Variants in PLPBP observed in about 807,000 individuals in gnomAD.
The protein encoded by PLPBP is pyridoxal phosphate binding protein.
PLPBP carries 21 observed loss-of-function variants against 31.2 expected under a neutral mutation model. The observed-to-expected ratio is 0.67, with a 90% CI of 0.48 to 0.97. The LOEUF is 0.97. PLPBP is among the 50% of genes least tolerant of loss of function. The pLI is 0.00. For missense variants in PLPBP, 308 were observed against 354.4 expected (o/e 0.87, Z 1.05); for synonymous variants, 124 against 135.6 (o/e 0.91, Z 0.59).
rs975828015 is a variant in PLPBP, at chr8:37,764,843, G to A, written c.100-683G>A. 2.0e-5 allele frequency among the ~76,000 whole-genome samples: 3 copies of A among 152,260 alleles called. No individual in the cohort carries two copies. In the South Asian group the frequency reaches 6.2e-4, roughly 32 times the overall value. The stretch of plus-strand genomic sequence containing the variant: ...AGTGATTCTTAAGCCTCCAACATTA[G>A]TATGTCTTAGAGTCATCTGGAGAGA... On this transcript the variant is annotated intron_variant, in intron 1 of 7. Coordinates refer to ENST00000328195, the MANE Select transcript of PLPBP (RefSeq NM_007198.4).
intron 6 of PLPBP, 51 bp downstream of exon 6, chr8:37,775,532 G>A: frequency 6.2e-7 from 1 of 1,609,790 alleles, no homozygotes; most frequent in Non-Finnish European, 8.5e-7. Flanking sequence ...CAGGGTGCTG[G>A]AGTGCTATTG....
At chr8:37,762,607 G>T (rs1360588856), upstream of PLPBP, 103 of 1,535,426 alleles carry the variant, frequency 6.7e-5, no homozygotes, top group Non-Finnish European at 8.4e-5. Context: ...ACCGGAAGAT[G>T]GTGTGAGCCA....
rs550493291 is a variant in PLPBP, at chr8:37,779,358, A to T, written c.*1254A>T. 6.6e-6 allele frequency: 1 copy of T among 152,256 alleles called. No homozygotes were observed. The highest frequency in any genetic ancestry group is 2.1e-4 in the South Asian group (1 of 4,822). 9.4% of individuals were successfully genotyped at this position (152,256 alleles called of 1,614,324 possible). The stretch of plus-strand genomic sequence containing the variant: ...GGTTTCAACAAAGCCTGGCTTTGAC[A>T]TTCCTTGTCCTGAGGAGCACTTTCC... On this transcript the variant is annotated 3_prime_UTR_variant, in exon 8 of 8. Transcript: ENST00000328195.
intron 5 of PLPBP, among the ~76,000 whole-genome samples, chr8:37,773,689 G>C (rs1234566855): frequency 1.3e-5 from 2 of 151,550 alleles, no homozygotes; most frequent in African/African-American, 4.8e-5. Flanking sequence ...GGCTGGTCTT[G>C]AACTCTTGAC....
chr8:37,775,497 G>T lies in PLPBP; in HGVS notation c.597+16G>T, dbSNP rs2129810139. 2 of 1,613,254 alleles carry T rather than the reference G, an allele frequency of 1.2e-6. No individual in the cohort carries two copies. The highest frequency in any genetic ancestry group is 1.8e-4 in the Middle Eastern group (1 of 5,406). On this transcript the variant is annotated intron_variant, in intron 6 of 7. Transcript: ENST00000328195. The stretch of plus-strand genomic sequence containing the variant: ...AGACTTCCAGGTACTGGGGGGTCGG[G>T]GAGATTGCTCGTGTGCTAAAGAAGC...
chr8:37,762,978 C>G (rs894967577), intron 1 of PLPBP, among the ~76,000 whole-genome samples: 3 of 152,128 alleles, frequency 2.0e-5, no homozygotes, highest in Admixed American at 2.0e-4. Flanking sequence ...CAGAGGGTAC[C>G]GCTACCTCGG....
At chr8:37,774,356 C>T (rs1803849079) in intron 5 of PLPBP, among the ~76,000 whole-genome samples, 1 of 152,168 alleles carries the variant, frequency 6.6e-6, no homozygotes, top group African/African-American at 2.4e-5. Context: ...CACTACTTTC[C>T]AGTATTGTAA....
chr8:37,765,036 G>A (rs905267704), intron 1 of PLPBP, among the ~76,000 whole-genome samples: 3 of 152,160 alleles, frequency 2.0e-5, no homozygotes, highest in Admixed American at 6.5e-5. Context: ...CAGGCATGGT[G>A]ATGCATGCCT....
rs1585943727 is a variant in PLPBP, at chr8:37,778,389, C to T, written c.*285C>T. The stretch of plus-strand genomic sequence containing the variant: ...TTCTGCCCAGGAGCATGAACTGATC[C>T]ATGAATGCCTTTTCCAGGTTAAAAT... On this transcript the variant is annotated 3_prime_UTR_variant, in exon 8 of 8. Transcript: ENST00000328195. 5.4e-6 allele frequency: 1 copy of T among 186,596 alleles called. No individual in the cohort carries two copies. The highest frequency in any genetic ancestry group is 1.1e-5 in the Non-Finnish European group (1 of 90,216). 11.6% of individuals were successfully genotyped at this position (186,596 alleles called of 1,614,324 possible). A position where few individuals can be genotyped will look rare whatever the true frequency, so the allele number is the denominator to read the frequency against.
chr8:37,762,575 C>G (rs948736335), upstream of PLPBP: 3 of 1,506,710 alleles, frequency 2.0e-6, no homozygotes, highest in Admixed American at 6.2e-5. Flanking sequence ...ATGATTGGTT[C>G]ACACGGCGCA....
intron 7 of PLPBP, among the ~76,000 whole-genome samples, chr8:37,777,191 ACTTGATAAAG>A (rs1803935222): frequency 1.3e-5 from 2 of 152,378 alleles, no homozygotes; most frequent in African/African-American, 4.8e-5. Flanking sequence ...ATAGCAAATA[ACTTGATAAAG>A]TTTCAAAAAT....
intron 4 of PLPBP, among the ~76,000 whole-genome samples, chr8:37,769,436 C>G (rs1012889617): frequency 6.6e-6 from 1 of 151,646 alleles, no homozygotes; most frequent in Admixed American, 6.6e-5. Flanking sequence ...AAAAGGGAGG[C>G]ACAGAGTGGA....
intron 1 of PLPBP, among the ~76,000 whole-genome samples, chr8:37,763,956 C>T (rs1563322916): frequency 1.3e-5 from 2 of 152,020 alleles, no homozygotes; most frequent in African/African-American, 2.4e-5. Context: ...GGCAGCAGAA[C>T]GCATAGAACC....
chr8:37,767,496 T>G (rs1368005928), intron 4 of PLPBP, among the ~76,000 whole-genome samples: 1 of 152,242 alleles, frequency 6.6e-6, no homozygotes, highest in African/African-American at 2.4e-5. Context: ...TGATTCATCA[T>G]GTTCATACCT....
Position 37,779,509 on chromosome 8 carries a change from G to A in PLPBP, c.*1405G>A, listed in dbSNP as rs1804009381. ...CCATTCTCTAATAGTCATGACAAAT[G>A]GCTTCAGTATGGCTTGTTTTTTATT... On this transcript the variant is annotated 3_prime_UTR_variant, in exon 8 of 8. Transcript: ENST00000328195. 6.6e-6 allele frequency: 1 copy of A among 152,340 alleles called. No individual in the cohort carries two copies. Among genetic ancestry groups the A allele is most frequent in the African/African-American group, 2.4e-5 (1 of 41,438 alleles). The allele number at this position is 152,340 out of a possible 1,614,324, so 9.4% of individuals were successfully genotyped here.
chr8:37,770,975 C>T (rs551570088), intron 4 of PLPBP, among the ~76,000 whole-genome samples: 1 of 152,236 alleles, frequency 6.6e-6, no homozygotes, highest in South Asian at 2.1e-4. Context: ...TGTTTTAGTG[C>T]CATTTTCCCT....
At chr8:37,771,824 G>A (rs1803778838) in intron 4 of PLPBP, among the ~76,000 whole-genome samples, 1 of 152,110 alleles carries the variant, frequency 6.6e-6, no homozygotes, top group African/African-American at 2.4e-5. Flanking sequence ...GTGAGGTGTA[G>A]TGGTGGGTGC....
chr8:37,772,896 A>C lies in PLPBP; in HGVS notation c.454+7A>C. The C allele has an allele frequency of 6.2e-7, 1 of 1,614,114 alleles. No individual in the cohort carries two copies. The highest frequency in any genetic ancestry group is 2.2e-5 in the East Asian group (1 of 44,870). On this transcript the variant is annotated splice_region_variant and intron_variant, in intron 5 of 7. Transcript: ENST00000328195. ...AACACCAGCGGAGAAGAGAGTAAGT[A>C]ACCAGACCTGAATTGTAGATTTTTC... is the stretch of plus-strand genomic sequence containing the variant.
At position 37,762,689 on chromosome 8, in the gene PLPBP, G is replaced by A; in HGVS notation, c.30G>A (p.Glu10=). The change falls in exon 1 of 8, where the codon GAG becomes GAA. Residue 10 remains glutamate (E), a synonymous_variant. Coordinates refer to ENST00000328195, the MANE Select transcript of PLPBP (RefSeq NM_007198.4). ...GGAGAGCTGGCAGCATGTCGGCCGA[G>A]CTGGGAGTCGGGTGCGCATTGCGGG... is the stretch of plus-strand genomic sequence containing the variant. The part of the protein sequence containing the change: MWRAGSMSA[E]LGVGCALRAV... 6.3e-7 allele frequency: 1 copy of A among 1,590,352 alleles called. No homozygotes were observed. Among genetic ancestry groups the A allele is most frequent in the Non-Finnish European group, 8.5e-7 (1 of 1,172,224 alleles).
Sources: allele counts gnomAD v4.1 joint callset (sites outside exome capture counted in the v4.1 genomes callset), GRCh38; gene constraint gnomAD v4.1.1; transcripts MANE v1.5; gene names NCBI Gene and HGNC (gene_info 2026-07-23, HGNC 2026-07-21).